Variants in SLC4A8 observed in about 807,000 individuals in gnomAD.
SLC4A8 encodes solute carrier family 4 member 8, also known as electroneutral sodium bicarbonate exchanger 1.
In SLC4A8, 40 loss-of-function variants were observed where a neutral mutation model predicts 125.0. That is an observed-to-expected ratio of 0.32 (90% CI 0.25 to 0.42). The LOEUF (loss-of-function observed/expected upper bound fraction) is 0.42. SLC4A8 is among the 10% of genes least tolerant of loss of function. The probability of loss-of-function intolerance (pLI) is 1.00; values close to 1 mark genes in which losing one functional copy is unlikely to be tolerated. For missense variants in SLC4A8, 863 were observed against 1,355.1 expected (o/e 0.64, Z 5.70); for synonymous variants, 456 against 476.0 (o/e 0.96, Z 0.55).
At chr12:51,473,420 G>A (rs913008588) in intron 14 of SLC4A8, among the ~76,000 whole-genome samples, 1 of 152,126 alleles carries the variant, frequency 6.6e-6, no homozygotes, top group Non-Finnish European at 1.5e-5. Context: ...TTGTCTGGAT[G>A]TACCACAGTT....
chr12:51,495,718 G>A, intron 21 of SLC4A8, among the ~76,000 whole-genome samples: 1 of 151,802 alleles, frequency 6.6e-6, no homozygotes, highest in Non-Finnish European at 1.5e-5. Flanking sequence ...CTGACCTCAG[G>A]TGATCCACCC....
chr12:51,395,657 AG>A (rs1316217006), intron 1 of SLC4A8, among the ~76,000 whole-genome samples: 1 of 152,110 alleles, frequency 6.6e-6, no homozygotes, highest in Non-Finnish European at 1.5e-5. Flanking sequence ...GGAGTGTGCA[AG>A]GGATGCCGTG....
intron 17 of SLC4A8, among the ~76,000 whole-genome samples, chr12:51,488,375 C>T (rs1490204318): frequency 6.6e-6 from 1 of 152,074 alleles, no homozygotes; most frequent in Non-Finnish European, 1.5e-5. Flanking sequence ...TCTGGAAAGT[C>T]CTCAGGCATT....
chr12:51,480,959 T>G (rs184262767), intron 16 of SLC4A8, among the ~76,000 whole-genome samples: 1 of 152,258 alleles, frequency 6.6e-6, no homozygotes, highest in Non-Finnish European at 1.5e-5. Flanking sequence ...CACCTGGGCT[T>G]GTAACTTGCC....
At chr12:51,463,547 T>G (rs972274329) in intron 10 of SLC4A8, 67 bp from the exon 11 acceptor site, 3 of 1,225,984 alleles carry the variant, frequency 2.4e-6, no homozygotes, top group Non-Finnish European at 3.6e-6. Flanking sequence ...CCATTCCCAC[T>G]CCCTGCTGAT....
intron 1 of SLC4A8, among the ~76,000 whole-genome samples, chr12:51,419,285 G>A (rs1948740723): frequency 6.6e-6 from 1 of 152,284 alleles, no homozygotes; most frequent in South Asian, 2.1e-4. Flanking sequence ...CAAATGTCGG[G>A]TATTGAATTT....
At chr12:51,409,340 C>T (rs1364474887) in intron 1 of SLC4A8, among the ~76,000 whole-genome samples, 2 of 152,110 alleles carry the variant, frequency 1.3e-5, no homozygotes, top group Non-Finnish European at 2.9e-5. Context: ...TTTCTCTTTG[C>T]TTGCTAATAT....
At chr12:51,393,099 T>G (rs1038989296) in intron 1 of SLC4A8, among the ~76,000 whole-genome samples, 3 of 151,932 alleles carry the variant, frequency 2.0e-5, no homozygotes, top group Non-Finnish European at 4.4e-5. Context: ...TTCTTTCTCT[T>G]TCTTTCCTTC....
intron 1 of SLC4A8, among the ~76,000 whole-genome samples, chr12:51,395,881 G>A (rs1015716746): frequency 3.1e-4 from 47 of 152,244 alleles, no homozygotes; most frequent in African/African-American, 1.1e-3. Flanking sequence ...AAGTGTGAGA[G>A]TTGGGTCTTC....
chr12:51,435,177 G>A (rs1949363235), intron 1 of SLC4A8, among the ~76,000 whole-genome samples: 1 of 152,150 alleles, frequency 6.6e-6, no homozygotes, highest in African/African-American at 2.4e-5. Context: ...GTGGTGATAT[G>A]GTCTCCCATT....
intron 3 of SLC4A8, among the ~76,000 whole-genome samples, chr12:51,451,584 C>T (rs149710660): frequency 3.3e-5 from 5 of 151,950 alleles, no homozygotes; most frequent in African/African-American, 1.2e-4. Context: ...CCTGCAAACA[C>T]ACAGACTTTT....
rs192347685 is a variant in SLC4A8 at position 51,489,518 on chromosome 12, C to A, written c.2449-182C>A. On this transcript the variant is annotated intron_variant, in intron 18 of 24. Coordinates refer to ENST00000453097, the MANE Select transcript of SLC4A8 (RefSeq NM_001039960.3). The stretch of plus-strand genomic sequence containing the variant: ...GCATATATAGGACAGGCTAAGATTC[C>A]CCTTTTTCTTCTTTGTTTCCTCCTA... Among the ~76,000 whole-genome samples, 433 of 152,210 alleles carry A rather than the reference C, an allele frequency of 2.8e-3. 2 individuals carry two copies. Among genetic ancestry groups the A allele is most frequent in the African/African-American group, 0.01 (421 of 41,546 alleles).
intron 19 of SLC4A8, among the ~76,000 whole-genome samples, chr12:51,491,310 A>G (rs992009625): frequency 6.6e-6 from 1 of 152,180 alleles, no homozygotes; most frequent in Non-Finnish European, 1.5e-5. Context: ...GAACTCAGGG[A>G]AAAGAGACGA....
At chr12:51,430,951 A>G (rs1949166739) in intron 1 of SLC4A8, among the ~76,000 whole-genome samples, 1 of 152,200 alleles carries the variant, frequency 6.6e-6, no homozygotes, top group Non-Finnish European at 1.5e-5. Flanking sequence ...AAAAAACACA[A>G]ATTTATCCTA....
intron 1 of SLC4A8, among the ~76,000 whole-genome samples, chr12:51,436,810 A>G (rs1949435036): frequency 1.3e-5 from 2 of 152,110 alleles, no homozygotes; most frequent in African/African-American, 2.4e-5. Context: ...TATTTTTAGT[A>G]GAGATGGGGT....
At position 51,470,470 on chromosome 12, in the gene SLC4A8, C is replaced by T. The variant is rs1332422137; in HGVS notation, c.1603C>T (p.Leu535=). 3.1e-6 allele frequency: 5 copies of T among 1,613,382 alleles called. No individual in the cohort carries two copies. In the South Asian group the frequency reaches 5.5e-5, roughly 18 times the overall value. ...GTTTGCGGGACAGGCTCTCACCATC[C>T]TGGGAAGTACTGGACCAGTGCTTGT... ...SLFAGQALTI[L]GSTGPVLVFE... The change falls in exon 13 of 25, where the codon CTG becomes TTG. Residue 535 remains leucine (L), a synonymous_variant. Transcript: ENST00000453097.
At chr12:51,489,255 G>C (rs1395738825) in intron 18 of SLC4A8, among the ~76,000 whole-genome samples, 1 of 152,134 alleles carries the variant, frequency 6.6e-6, no homozygotes, top group East Asian at 1.9e-4. Flanking sequence ...GCCGAAACTG[G>C]AACCCTAGGA....
chr12:51,405,627 C>T (rs1948470860), intron 1 of SLC4A8, among the ~76,000 whole-genome samples: 1 of 152,196 alleles, frequency 6.6e-6, no homozygotes, highest in African/African-American at 2.4e-5. Context: ...AACTCCTGGC[C>T]TCAAGCAATC....
intron 19 of SLC4A8, among the ~76,000 whole-genome samples, chr12:51,490,692 A>G (rs934753351): frequency 4.6e-5 from 7 of 152,022 alleles, no homozygotes; most frequent in Admixed American, 1.3e-4. Context: ...GTTCTACGAA[A>G]TATCAGGGCC....
Sources: gnomAD v4.1 joint callset for allele counts (sites outside exome capture counted in the v4.1 genomes callset) on GRCh38, gnomAD v4.1.1 for gene constraint, MANE v1.5 for transcripts, NCBI Gene and HGNC (gene_info 2026-07-23, HGNC 2026-07-21) for gene names.